The following SGMS2 variants were observed in gnomAD, a reference collection of about 807,000 sequenced individuals.
The protein encoded by SGMS2 is sphingomyelin synthase 2.
In SGMS2, 21 loss-of-function variants were observed where a neutral mutation model predicts 43.8. The observed-to-expected ratio is 0.48, with a 90% CI of 0.34 to 0.69. The LOEUF (loss-of-function observed/expected upper bound fraction) is 0.69. Among genes scored for constraint, SGMS2 ranks in the 30% least tolerant of loss-of-function variants. SGMS2 has a pLI of 0.01. For missense variants in SGMS2, 384 were observed against 443.2 expected, an observed-to-expected ratio of 0.87 and a Z score of 1.20; for synonymous variants, 167 against 160.6, an observed-to-expected ratio of 1.04 and a Z score of -0.30.
At chr4:107,830,902 C>G (rs1004564769) in intron 1 of SGMS2, among the ~76,000 whole-genome samples, 3 of 152,256 alleles carry the variant, frequency 2.0e-5, no homozygotes, top group Middle Eastern at 3.4e-3. Context: ...CTCCAAGCTT[C>G]TCCAAACACA....
intron 2 of SGMS2, among the ~76,000 whole-genome samples, chr4:107,861,523 T>G (rs1266394568): frequency 6.6e-6 from 1 of 152,156 alleles, no homozygotes; most frequent in African/African-American, 2.4e-5. Context: ...TGGAGAGTGA[T>G]TCAACCCCCT....
intron 1 of SGMS2, among the ~76,000 whole-genome samples, chr4:107,832,864 C>G (rs912171323): frequency 6.6e-6 from 1 of 151,982 alleles, no homozygotes; most frequent in Non-Finnish European, 1.5e-5. Flanking sequence ...CCCTCCTCTA[C>G]AAAAAACACA....
chr4:107,833,251 T>C (rs1022471228), intron 1 of SGMS2, among the ~76,000 whole-genome samples: 1 of 152,198 alleles, frequency 6.6e-6, no homozygotes, highest in Non-Finnish European at 1.5e-5. Context: ...GGTTTTCATT[T>C]GTTGTAAATT....
At chr4:107,890,314 A>G (rs1322518303) in intron 2 of SGMS2, among the ~76,000 whole-genome samples, 1 of 152,136 alleles carries the variant, frequency 6.6e-6, no homozygotes, top group Non-Finnish European at 1.5e-5. Flanking sequence ...GCAGAGGGTG[A>G]AAGAGAAAGG....
intron 2 of SGMS2, among the ~76,000 whole-genome samples, chr4:107,892,317 T>C (rs546299874): frequency 4.9e-4 from 74 of 150,882 alleles, no homozygotes; most frequent in African/African-American, 1.7e-3. Context: ...AGGGATTCTC[T>C]GGAATGGGTG....
At chr4:107,844,392 G>A (rs758085146) in intron 1 of SGMS2, among the ~76,000 whole-genome samples, 2 of 150,686 alleles carry the variant, frequency 1.3e-5, no homozygotes, top group Non-Finnish European at 3.0e-5. Flanking sequence ...TAACTAAAGT[G>A]TCTAGGAGTG....
chr4:107,904,492 T>A (rs1374998538), intron 5 of SGMS2, among the ~76,000 whole-genome samples: 1 of 152,176 alleles, frequency 6.6e-6, no homozygotes, highest in East Asian at 1.9e-4. Context: ...AAGTTCTGCT[T>A]TGAGGGTAAG....
intron 2 of SGMS2, among the ~76,000 whole-genome samples, chr4:107,866,593 AC>A (rs1008209882): frequency 7.2e-5 from 11 of 151,864 alleles, no homozygotes; most frequent in African/African-American, 1.2e-4. Flanking sequence ...CAAAAAAAAA[AC>A]AAACCAAAAA....
chr4:107,877,545 C>G (rs6833408), intron 2 of SGMS2, among the ~76,000 whole-genome samples: 108,339 of 152,098 alleles, frequency 0.71, 39,486 homozygotes, highest in African/African-American at 0.86. Flanking sequence ...GCCTAAACAA[C>G]TGCTGGCTGC....
intron 1 of SGMS2, among the ~76,000 whole-genome samples, chr4:107,855,905 G>A (rs1727399134): frequency 6.6e-6 from 1 of 152,152 alleles, no homozygotes; most frequent in Middle Eastern, 3.4e-3. Flanking sequence ...TATAGATGAG[G>A]GAACTAAGGC....
chr4:107,845,467 G>A (rs1275424385), intron 1 of SGMS2, among the ~76,000 whole-genome samples: 1 of 152,222 alleles, frequency 6.6e-6, no homozygotes, highest in African/African-American at 2.4e-5. Context: ...AACATAATCA[G>A]CTGGTCCTCA....
intron 2 of SGMS2, among the ~76,000 whole-genome samples, chr4:107,881,255 A>G (rs6811703): frequency 0.32 from 48,454 of 151,872 alleles, 9,210 homozygotes; most frequent in African/African-American, 0.53. Context: ...TTGAAATTTA[A>G]GAAATGAAAA....
At position 107,895,403 on chromosome 4, in the gene SGMS2, C is replaced by T. The variant is rs1427023472; in HGVS notation, c.-151C>T. On this transcript the variant is annotated 5_prime_UTR_variant, in exon 3 of 7. Coordinates refer to ENST00000690982, the MANE Select transcript of SGMS2 (RefSeq NM_001375905.1). ...ATAGCTGCATGGAAGAAACAGTAAT[C>T]GGATGGCTACCTTCTACATTTTGTA... 21 of 768,506 alleles carry T rather than the reference C, an allele frequency of 2.7e-5. No individual in the cohort carries two copies. In the East Asian group the frequency reaches 3.2e-4, roughly 12 times the overall value. 47.6% of individuals were successfully genotyped at this position (768,506 alleles called of 1,614,324 possible). A position where few individuals can be genotyped will look rare whatever the true frequency, so the allele number is the denominator to read the frequency against.
rs1732132864 is a variant in SGMS2 at position 107,911,647 on chromosome 4, T to A, written c.*1094T>A. ...AAGAGACTCAGTTTCTTATAACTAGTCCTAAGGACATATGCCGCAATTGAG... is the reference window on the plus strand; with the variant it reads ...AAGAGACTCAGTTTCTTATAACTAGACCTAAGGACATATGCCGCAATTGAG... On this transcript the variant is annotated 3_prime_UTR_variant, in exon 7 of 7. Transcript: ENST00000690982. The A allele has an allele frequency of 6.6e-6, 1 of 152,244 alleles. No homozygotes were observed. The highest frequency in any genetic ancestry group is 2.4e-5 in the African/African-American group (1 of 41,464). The allele number at this position is 152,244 out of a possible 1,614,324, so 9.4% of individuals were successfully genotyped here.
At chr4:107,875,977 A>G (rs534751639) in intron 2 of SGMS2, among the ~76,000 whole-genome samples, 35 of 152,264 alleles carry the variant, frequency 2.3e-4, no homozygotes, top group African/African-American at 8.2e-4. Flanking sequence ...CCCCATACTA[A>G]GGCCTGGTAA....
At chr4:107,855,055 G>A (rs892465152) in intron 1 of SGMS2, among the ~76,000 whole-genome samples, 1 of 152,046 alleles carries the variant, frequency 6.6e-6, no homozygotes, top group Non-Finnish European at 1.5e-5. Context: ...AGCCAAATAT[G>A]CAGTACAGTT....
chr4:107,851,982 C>G (rs1052403481), intron 1 of SGMS2, among the ~76,000 whole-genome samples: 1 of 152,078 alleles, frequency 6.6e-6, no homozygotes, highest in Non-Finnish European at 1.5e-5. Flanking sequence ...TTTGCTTGCC[C>G]CACACACAGA....
chr4:107,905,971 G>T (rs778894642), intron 5 of SGMS2, among the ~76,000 whole-genome samples: 1 of 152,108 alleles, frequency 6.6e-6, no homozygotes, highest in Admixed American at 6.6e-5. Context: ...TCCAATATTT[G>T]ATTAGAAATA....
chr4:107,873,603 T>C (rs1161465577), intron 2 of SGMS2, among the ~76,000 whole-genome samples: 1 of 151,956 alleles, frequency 6.6e-6, no homozygotes, highest in African/African-American at 2.4e-5. Context: ...TATTATATAC[T>C]TATGCTGTGT....
Sources: allele counts gnomAD v4.1 joint callset (sites outside exome capture counted in the v4.1 genomes callset), GRCh38; gene constraint gnomAD v4.1.1; transcripts MANE v1.5; gene names NCBI Gene and HGNC (gene_info 2026-07-23, HGNC 2026-07-21).